Variants in LRRFIP1 observed in about 807,000 individuals in gnomAD.
LRRFIP1 encodes the protein LRR binding FLII interacting protein 1.
A neutral mutation model predicts 104.4 loss-of-function variants in LRRFIP1; 62 were observed. The ratio of observed to expected loss-of-function variants is 0.59; its 90% CI spans 0.48 to 0.73. The LOEUF (loss-of-function observed/expected upper bound fraction) is 0.73. Among genes scored for constraint, LRRFIP1 ranks in the 30% least tolerant of loss-of-function variants. The pLI is 0.00. For synonymous variants in LRRFIP1, 300 were observed against 299.0 expected (o/e 1.00, Z -0.03); for missense variants, 796 against 824.5 (o/e 0.97, Z 0.42).
chr2:237,636,225 G>T (rs1051402133), intron 1 of LRRFIP1, among the ~76,000 whole-genome samples: 1 of 151,230 alleles, frequency 6.6e-6, no homozygotes, highest in African/African-American at 2.4e-5. Flanking sequence ...CTGGAAACTT[G>T]TATCCTAAAA....
intron 20 of LRRFIP1, chr2:237,770,684 T>G (rs1266434723): frequency 6.6e-6 from 1 of 152,314 alleles, no homozygotes; most frequent in African/African-American, 2.4e-5. Context: ...TCCCAGCTAC[T>G]GGGGAGGCTG....
At chr2:237,689,057 A>T (rs1274615017) in intron 1 of LRRFIP1, among the ~76,000 whole-genome samples, 1 of 151,916 alleles carries the variant, frequency 6.6e-6, no homozygotes, top group East Asian at 1.9e-4. Flanking sequence ...CGTTGAAAAA[A>T]AAAAAAAAGA....
At chr2:237,739,365 C>T (rs933535283) in intron 11 of LRRFIP1, 56 bp downstream of exon 11, 56 of 1,416,806 alleles carry the variant, frequency 4.0e-5, no homozygotes, top group Non-Finnish European at 5.3e-5. Flanking sequence ...TCCCCCTTCC[C>T]TTATCCTCCT....
Position 237,739,251 on chromosome 2 carries a change from A to C in LRRFIP1, c.575A>C (p.His192Pro). The C allele has an allele frequency of 6.4e-7, 1 of 1,564,528 alleles. No individual in the cohort carries two copies. Among genetic ancestry groups the C allele is most frequent in the South Asian group, 1.2e-5 (1 of 84,972 alleles). The change falls in exon 11 of 24, where the codon CAC becomes CCC. Residue 192 changes from histidine (H) to proline (P), a missense_variant. His to Pro is a moderately conservative substitution (Grantham distance 77, BLOSUM62 -2). Transcript: ENST00000308482. ...GSRAPSEYSG[H>P]LNSSSRASSR... ...GGGCAGCCCTCGGAGTACAGCGGCC[A>C]CCTCAACTCCAGCTCCCGCGCCTCC...
At chr2:237,775,446 C>T (rs1169055337) in intron 23 of LRRFIP1, among the ~76,000 whole-genome samples, 1 of 152,170 alleles carries the variant, frequency 6.6e-6, no homozygotes, top group African/African-American at 2.4e-5. Flanking sequence ...CCCTGGAGGC[C>T]ATGGACAGGA....
intron 15 of LRRFIP1, among the ~76,000 whole-genome samples, chr2:237,755,472 G>A (rs1179829678): frequency 1.3e-5 from 2 of 152,240 alleles, no homozygotes; most frequent in Admixed American, 6.5e-5. Context: ...TCAGCACAGT[G>A]CTGTGGAAGA....
intron 23 of LRRFIP1, among the ~76,000 whole-genome samples, chr2:237,777,341 G>C (rs183898208): frequency 1.2e-4 from 19 of 152,170 alleles, no homozygotes; most frequent in Middle Eastern, 3.4e-3. Flanking sequence ...GACTGTACTA[G>C]AATCATTTTC....
intron 1 of LRRFIP1, among the ~76,000 whole-genome samples, chr2:237,686,631 T>C (rs2092392082): frequency 6.6e-6 from 1 of 152,158 alleles, no homozygotes; most frequent in South Asian, 2.1e-4. Context: ...AGTACCCAGG[T>C]CACAGGGCAG....
chr2:237,727,061 A>G (rs1009398764), intron 7 of LRRFIP1, among the ~76,000 whole-genome samples: 4 of 152,214 alleles, frequency 2.6e-5, no homozygotes, highest in African/African-American at 7.2e-5. Flanking sequence ...TAGATTGACT[A>G]GAAATAATTT....
intron 21 of LRRFIP1, chr2:237,772,598 C>G (rs550910624): frequency 7.2e-5 from 39 of 538,238 alleles, no homozygotes; most frequent in East Asian, 6.4e-4. Context: ...TTCCCTACCC[C>G]CTACCATCTC....
intron 20 of LRRFIP1, among the ~76,000 whole-genome samples, chr2:237,771,675 C>T (rs1377025271): frequency 6.6e-6 from 1 of 151,922 alleles, no homozygotes; most frequent in Non-Finnish European, 1.5e-5. Flanking sequence ...AACACACCTG[C>T]AGCTGGCCTG....
In LRRFIP1 at chr2:237,633,045, C is replaced by A. The variant is rs555078492; in HGVS notation, c.96+5305C>A. ...GTTTGCCATTGGGGCTGGGCCCTGCCCCTTTGTTCCACAGGAGTTGGGAGA... is the reference window on the plus strand; with the variant it reads ...GTTTGCCATTGGGGCTGGGCCCTGCACCTTTGTTCCACAGGAGTTGGGAGA... On this transcript the variant is annotated intron_variant, in intron 1 of 23. Transcript: ENST00000308482. Among the ~76,000 whole-genome samples the A allele has an allele frequency of 2.4e-4, 37 of 152,326 alleles. No individual in the cohort carries two copies. In the South Asian group the frequency reaches 7.7e-3, roughly 32 times the overall value.
chr2:237,645,185 A>G (rs1283157751), intron 1 of LRRFIP1, among the ~76,000 whole-genome samples: 2 of 152,250 alleles, frequency 1.3e-5, no homozygotes, highest in African/African-American at 2.4e-5. Context: ...AGAGATACTC[A>G]GAGGCTATGC....
chr2:237,693,185 G>T (rs564358755), intron 1 of LRRFIP1, among the ~76,000 whole-genome samples: 18 of 152,350 alleles, frequency 1.2e-4, no homozygotes, highest in African/African-American at 4.1e-4. Flanking sequence ...TGCAGCTTGT[G>T]GTTGAACATG....
intron 11 of LRRFIP1, among the ~76,000 whole-genome samples, chr2:237,747,625 C>T (rs1576192914): frequency 6.6e-6 from 1 of 152,330 alleles, no homozygotes; most frequent in East Asian, 1.9e-4. Flanking sequence ...GGTCATCTCT[C>T]AGATCTTCTG....
intron 7 of LRRFIP1, among the ~76,000 whole-genome samples, chr2:237,724,049 C>CT (rs35094499): frequency 0.13 from 18,934 of 142,930 alleles, 1,416 homozygotes; most frequent in Admixed American, 0.23. Flanking sequence ...TACAATCTGA[C>CT]TTTTTTTTTT....
At chr2:237,679,245 T>G in intron 1 of LRRFIP1, among the ~76,000 whole-genome samples, 1 of 152,248 alleles carries the variant, frequency 6.6e-6, no homozygotes, top group East Asian at 1.9e-4. Context: ...CAACTCTGTT[T>G]ATCTCATAAG....
intron 21 of LRRFIP1, 132 bp downstream of exon 21, chr2:237,772,330 T>A: frequency 1.5e-6 from 1 of 668,718 alleles, no homozygotes. Context: ...CCCTTAAAAA[T>A]AAAAGCACAA....
intron 1 of LRRFIP1, among the ~76,000 whole-genome samples, chr2:237,689,413 A>G (rs2092620054): frequency 6.6e-6 from 1 of 152,196 alleles, no homozygotes; most frequent in Admixed American, 6.5e-5. Context: ...CTCATCTAGA[A>G]GGGTGTCAGG....
Sources: gnomAD v4.1 joint callset for allele counts (sites outside exome capture counted in the v4.1 genomes callset) on GRCh38, gnomAD v4.1.1 for gene constraint, MANE v1.5 for transcripts, NCBI Gene and HGNC (gene_info 2026-07-23, HGNC 2026-07-21) for gene names.